The following ARHGEF10L variants were observed in gnomAD, a reference collection of about 807,000 sequenced individuals.
ARHGEF10L encodes Rho guanine nucleotide exchange factor 10 like.
ARHGEF10L carries 69 observed loss-of-function variants against 141.2 expected under a neutral mutation model. The ratio of observed to expected loss-of-function variants is 0.49; its 90% CI spans 0.40 to 0.60. The LOEUF (loss-of-function observed/expected upper bound fraction) is 0.60. ARHGEF10L is among the 20% of genes least tolerant of loss of function. The pLI is 0.00. For missense variants in ARHGEF10L, 1,482 were observed against 1,734.3 expected (o/e 0.85, Z 2.58); for synonymous variants, 711 against 718.5 (o/e 0.99, Z 0.17).
rs767340508 is a variant in ARHGEF10L at position 17,648,621 on chromosome 1, C to T, written c.2340C>T (p.Cys780=). ...AGAAGAGCAAAGCCCCATTCTGGTG[C>T]CCGATCCTGGCCTGCTGCATCCCTG... is the stretch of plus-strand genomic sequence containing the variant. The part of the protein sequence containing the change: ...EDKKSKAPFW[C]PILACCIPAF... The change falls in exon 22 of 29, where the codon TGC becomes TGT. Residue 780 remains cysteine, a synonymous_variant. Transcript: ENST00000361221. 35 of 1,613,298 alleles carry T rather than the reference C, an allele frequency of 2.2e-5. No homozygotes were observed. The highest frequency in any genetic ancestry group is 2.9e-5 in the Non-Finnish European group (34 of 1,180,034).
chr1:17,569,542 C>T (rs548655660), intron 1 of ARHGEF10L, among the ~76,000 whole-genome samples: 32 of 152,328 alleles, frequency 2.1e-4, no homozygotes, highest in African/African-American at 7.2e-4. Flanking sequence ...AGAGCTCCCT[C>T]GTGGGACAGA....
intron 1 of ARHGEF10L, among the ~76,000 whole-genome samples, chr1:17,549,168 G>A (rs1007699049): frequency 2.1e-4 from 32 of 151,272 alleles, no homozygotes; most frequent in African/African-American, 7.5e-4. Context: ...GATTACAGGC[G>A]CCTGCCACTA....
At chr1:17,689,750 A>C (rs2064954447) in intron 27 of ARHGEF10L, 3 of 454,644 alleles carry the variant, frequency 6.6e-6, no homozygotes, top group Admixed American at 2.4e-5. Context: ...AAATTATTTC[A>C]AGTTAGTGGA....
At chr1:17,613,036 G>C in intron 7 of ARHGEF10L, 22 bp from the exon 8 acceptor site, 1 of 1,571,836 alleles carries the variant, frequency 6.4e-7, no homozygotes, top group Non-Finnish European at 8.8e-7. Context: ...CTTTCCTTCT[G>C]CCTGGCCGCT....
chr1:17,570,294 A>T (rs2077939382), intron 1 of ARHGEF10L, among the ~76,000 whole-genome samples: 1 of 152,212 alleles, frequency 6.6e-6, no homozygotes, highest in African/African-American at 2.4e-5. Context: ...TCCTGTGAGG[A>T]TGGGGACACT....
chr1:17,679,801 G>A (rs114412049), intron 26 of ARHGEF10L, among the ~76,000 whole-genome samples: 1 of 152,126 alleles, frequency 6.6e-6, no homozygotes, highest in South Asian at 2.1e-4. Context: ...TATGGGATGA[G>A]GATGGAATGG....
chr1:17,653,171 C>A (rs1006951979), intron 22 of ARHGEF10L, among the ~76,000 whole-genome samples: 1 of 152,174 alleles, frequency 6.6e-6, no homozygotes, highest in African/African-American at 2.4e-5. Flanking sequence ...AGGGTCTCTG[C>A]TCTGTAGGTG....
chr1:17,651,933 C>A (rs2061960875), intron 22 of ARHGEF10L, among the ~76,000 whole-genome samples: 1 of 152,210 alleles, frequency 6.6e-6, no homozygotes, highest in Non-Finnish European at 1.5e-5. Context: ...CAGCTGTGTG[C>A]TGGCAGCCTG....
chr1:17,554,649 G>T (rs2077240499), intron 1 of ARHGEF10L, among the ~76,000 whole-genome samples: 3 of 139,562 alleles, frequency 2.1e-5, no homozygotes, highest in African/African-American at 2.7e-5. Context: ...ACAGTGGCAT[G>T]ATTACAGCTC....
chr1:17,691,990 A>G (rs150321629), intron 27 of ARHGEF10L, among the ~76,000 whole-genome samples: 1 of 152,326 alleles, frequency 6.6e-6, no homozygotes, highest in African/African-American at 2.4e-5. Context: ...AACAAATAGC[A>G]AAATAAGGTC....
intron 21 of ARHGEF10L, among the ~76,000 whole-genome samples, chr1:17,647,597 TG>T (rs1371043599): frequency 1.3e-5 from 2 of 152,176 alleles, no homozygotes; most frequent in African/African-American, 4.8e-5. Context: ...TGCAGTGTGC[TG>T]GGTGTCAGGG....
rs189630639 is a variant in ARHGEF10L at position 17,602,733 on chromosome 1, C to A, written c.349+515C>A. ...AGGTGTGGCTGCGGGCCCTGCAGCT[C>A]CTCAGGGCCCCAGAGGCAGTGCTTA... is the stretch of plus-strand genomic sequence containing the variant. On this transcript the variant is annotated intron_variant, in intron 5 of 28. Transcript: ENST00000361221. Among the ~76,000 whole-genome samples, 953 of 152,198 alleles carry A rather than the reference C, an allele frequency of 6.3e-3. 10 individuals are homozygous for A. The highest frequency in any genetic ancestry group is 0.022 in the African/African-American group (894 of 41,522).
At chr1:17,611,078 A>G (rs201687288) in intron 7 of ARHGEF10L, among the ~76,000 whole-genome samples, 1 of 152,132 alleles carries the variant, frequency 6.6e-6, no homozygotes, top group Non-Finnish European at 1.5e-5. Context: ...GATTCATTAC[A>G]GAAACGCCAG....
At chr1:17,581,368 C>T (rs917736338) in intron 2 of ARHGEF10L, among the ~76,000 whole-genome samples, 8 of 129,804 alleles carry the variant, frequency 6.2e-5, no homozygotes, top group African/African-American at 2.0e-4. Context: ...CTTATACTAA[C>T]AAAATTATTC....
At chr1:17,685,140 C>T (rs2064455314) in intron 26 of ARHGEF10L, among the ~76,000 whole-genome samples, 1 of 152,220 alleles carries the variant, frequency 6.6e-6, no homozygotes. Context: ...CCTCCCTCTC[C>T]ACTTGCTAAG....
At chr1:17,622,895 C>T in intron 11 of ARHGEF10L, 101 bp from the exon 12 acceptor site, 1 of 1,294,762 alleles carries the variant, frequency 7.7e-7, no homozygotes, top group Non-Finnish European at 1.1e-6. Context: ...CCCCTCCGTG[C>T]CACGGGAAGG....
intron 22 of ARHGEF10L, among the ~76,000 whole-genome samples, chr1:17,650,036 T>C (rs1224362969): frequency 6.6e-6 from 1 of 152,176 alleles, no homozygotes; most frequent in Non-Finnish European, 1.5e-5. Flanking sequence ...TTTCCCAAGC[T>C]AGGGACTAGC....
At chr1:17,634,627 A>G in intron 17 of ARHGEF10L, 65 bp downstream of exon 17, 1 of 1,594,450 alleles carries the variant, frequency 6.3e-7, no homozygotes, top group South Asian at 1.1e-5. Context: ...GTGCCATGTG[A>G]TTCTGGATAT....
chr1:17,531,795 G>A, the ARHGEF10L span, among the ~76,000 whole-genome samples: 2 of 152,328 alleles, frequency 1.3e-5, no homozygotes, highest in East Asian at 3.9e-4. Flanking sequence ...GGACACAGCC[G>A]GATAAGAGCC....
Sources: gnomAD v4.1 joint callset for allele counts (sites outside exome capture counted in the v4.1 genomes callset) on GRCh38, gnomAD v4.1.1 for gene constraint, MANE v1.5 for transcripts, NCBI Gene and HGNC (gene_info 2026-07-23, HGNC 2026-07-21) for gene names.